SPATA6: variants seen among roughly 807,000 people sequenced by gnomAD.
SPATA6 encodes the protein spermatogenesis-associated protein 6.
In SPATA6, 56 loss-of-function variants were observed where a neutral mutation model predicts 65.3. That is an observed-to-expected ratio of 0.86 (90% CI 0.69 to 1.07). The LOEUF (loss-of-function observed/expected upper bound fraction) is 1.07. SPATA6 is among the 50% of genes least tolerant of loss of function. The probability of loss-of-function intolerance (pLI) is 0.00; values close to 1 mark genes in which losing one functional copy is unlikely to be tolerated. For synonymous variants in SPATA6, 199 were observed against 213.2 expected (o/e 0.93, Z 0.58); for missense variants, 590 against 594.8 (o/e 0.99, Z 0.08).
intron 9 of SPATA6, among the ~76,000 whole-genome samples, chr1:48,373,764 C>A (rs965231493): frequency 6.6e-6 from 1 of 152,138 alleles, no homozygotes; most frequent in African/African-American, 2.4e-5. Flanking sequence ...GAGGAAGAAG[C>A]AAAAGCAGAA....
intron 12 of SPATA6, among the ~76,000 whole-genome samples, chr1:48,299,333 G>A (rs989257224): frequency 6.6e-6 from 1 of 151,538 alleles, no homozygotes; most frequent in African/African-American, 2.4e-5. Flanking sequence ...GACCAACATG[G>A]AGAAACCCCA....
At chr1:48,461,812 A>C (rs1657452047) in intron 1 of SPATA6, among the ~76,000 whole-genome samples, 2 of 152,204 alleles carry the variant, frequency 1.3e-5, no homozygotes, top group Admixed American at 6.5e-5. Flanking sequence ...TAGAACTAGA[A>C]ATACCATTTG....
At chr1:48,382,573 C>A (rs1648807952) in intron 9 of SPATA6, among the ~76,000 whole-genome samples, 1 of 112,556 alleles carries the variant, frequency 8.9e-6, no homozygotes, top group Non-Finnish European at 1.9e-5. Flanking sequence ...ACGGGGCGGC[C>A]GGCCGGAAGG....
rs184545215 is a variant in SPATA6 at position 48,312,908 on chromosome 1, C to A, written c.1195-7030G>T. The stretch of plus-strand genomic sequence containing the variant: ...AGACAAACGTGACGAATGCACAAGC[C>A]TCAGTAGCTGATTCAATCAACTGTA... On this transcript the variant is annotated intron_variant, in intron 11 of 12. Coordinates refer to ENST00000371847, the MANE Select transcript of SPATA6 (RefSeq NM_019073.4). 2.1e-3 allele frequency among the ~76,000 whole-genome samples: 314 copies of A among 152,230 alleles called. 2 individuals carry two copies. The highest frequency in any genetic ancestry group is 2.9e-4 in the Non-Finnish European group (20 of 68,026).
At chr1:48,349,268 C>A (rs1025933280) in intron 11 of SPATA6, among the ~76,000 whole-genome samples, 1 of 151,792 alleles carries the variant, frequency 6.6e-6, no homozygotes, top group Non-Finnish European at 1.5e-5. Flanking sequence ...GATGCTATGA[C>A]CTAAAAAGTA....
At chr1:48,278,602 T>A in the SPATA6 span, among the ~76,000 whole-genome samples, 1 of 151,890 alleles carries the variant, frequency 6.6e-6, no homozygotes, top group African/African-American at 2.4e-5. Flanking sequence ...ACGAAATGAA[T>A]GAAATGAAGC....
chr1:48,459,108 G>GGCAGGAGAACTGCTTGAAC (rs1657223665), intron 1 of SPATA6, among the ~76,000 whole-genome samples: 2 of 151,286 alleles, frequency 1.3e-5, no homozygotes, highest in South Asian at 4.2e-4. Context: ...GGGAGGCTGA[G>GGCAGGAGAACTGCTTGAAC]GCAGGAGAAC....
At chr1:48,446,990 CCTG>C (rs1557721182) in intron 3 of SPATA6, among the ~76,000 whole-genome samples, 2 of 152,008 alleles carry the variant, frequency 1.3e-5, no homozygotes, top group Non-Finnish European at 2.9e-5. Context: ...TCCTCCTCAG[CCTG>C]CTAACATGAG....
downstream of SPATA6, among the ~76,000 whole-genome samples, chr1:48,291,242 T>G (rs1644765245): frequency 6.6e-6 from 1 of 152,118 alleles, no homozygotes; most frequent in South Asian, 2.1e-4. Context: ...CAAAAGCATA[T>G]CAGCTGGGGT....
At chr1:48,314,244 T>G (rs1452636395) in intron 11 of SPATA6, among the ~76,000 whole-genome samples, 1 of 151,952 alleles carries the variant, frequency 6.6e-6, no homozygotes, top group Admixed American at 6.6e-5. Flanking sequence ...ATACATTCTT[T>G]TCAGCACCAC....
the SPATA6 span, among the ~76,000 whole-genome samples, chr1:48,282,342 A>C: frequency 7.2e-5 from 11 of 152,214 alleles, no homozygotes; most frequent in African/African-American, 2.4e-4. Flanking sequence ...ATGGGATCTA[A>C]TTAAACTAAA....
chr1:48,362,292 T>C (rs149069956), intron 9 of SPATA6, among the ~76,000 whole-genome samples: 22 of 152,036 alleles, frequency 1.4e-4, no homozygotes, highest in African/African-American at 5.1e-4. Context: ...AAAAAGAAAG[T>C]GGGAGAAGGT....
At chr1:48,462,730 A>G (rs185927386) in intron 1 of SPATA6, among the ~76,000 whole-genome samples, 1 of 152,348 alleles carries the variant, frequency 6.6e-6, no homozygotes. Context: ...AGGAAATAAC[A>G]AACATAATAA....
At chr1:48,352,827 T>C (rs1284942548) in intron 11 of SPATA6, among the ~76,000 whole-genome samples, 3 of 151,440 alleles carry the variant, frequency 2.0e-5, no homozygotes, top group Non-Finnish European at 4.4e-5. Context: ...AGCCATATTA[T>C]TGCAAATAAA....
intron 6 of SPATA6, among the ~76,000 whole-genome samples, chr1:48,400,329 CTAA>C (rs1244066931): frequency 2.6e-5 from 4 of 151,774 alleles, no homozygotes; most frequent in African/African-American, 9.7e-5. Flanking sequence ...AACATTTTAT[CTAA>C]TAAAACTGGT....
In SPATA6 at chr1:48,413,132, C is replaced by T. The variant is rs150265971; in HGVS notation, c.258G>A (p.Glu86=). Residue 86 remains glutamate, a synonymous_variant, in exon 4 of 13, where the codon GAG becomes GAA. Transcript: ENST00000371847. ...TQLEYDTAVF[E]LIQLVPPVGE... is the part of the protein sequence containing the mutation. ...TACCTGGTGGAACTAGCTGTATCAA[C>T]TCGAACACTGCTGTATCATCTAAAA... 3,219 of 1,399,952 alleles carry T rather than the reference C, an allele frequency of 2.3e-3. 4 individuals carry two copies. The highest frequency in any genetic ancestry group is 2.8e-3 in the Non-Finnish European group (3,019 of 1,072,540). The allele number at this position is 1,399,952 out of a possible 1,614,324, so 86.7% of individuals were successfully genotyped here.
At chr1:48,421,605 A>G (rs911530010) in intron 3 of SPATA6, among the ~76,000 whole-genome samples, 1 of 152,166 alleles carries the variant, frequency 6.6e-6, no homozygotes, top group African/African-American at 2.4e-5. Flanking sequence ...GTACAGTAGA[A>G]TGACTGAATA....
rs759966810 is a variant in SPATA6, at chr1:48,350,706, G to A, written c.1194+4964C>T. 3.1e-4 allele frequency among the ~76,000 whole-genome samples: 47 copies of A among 151,818 alleles called. 1 individual carries two copies. Among genetic ancestry groups the A allele is most frequent in the Admixed American group, 2.6e-4 (4 of 15,196 alleles). On this transcript the variant is annotated intron_variant, in intron 11 of 12. Transcript: ENST00000371847. ...CAGTATTTACGTGGGTCTATTTCTG[G>A]AATCTTTATTCTATTCCTTTGATAC...
intron 9 of SPATA6, among the ~76,000 whole-genome samples, chr1:48,362,474 T>C (rs138837918): frequency 5.9e-5 from 9 of 152,246 alleles, no homozygotes; most frequent in Non-Finnish European, 1.0e-4. Context: ...AAGCCTTTTA[T>C]AGGTGACTAC....
Sources: gnomAD v4.1 joint callset for allele counts (sites outside exome capture counted in the v4.1 genomes callset) on GRCh38, gnomAD v4.1.1 for gene constraint, MANE v1.5 for transcripts, NCBI Gene and HGNC (gene_info 2026-07-23, HGNC 2026-07-21) for gene names.